The following CDH2 variants were observed in gnomAD, a reference collection of about 807,000 sequenced individuals.
The protein encoded by CDH2 is cadherin 2.
Under a neutral mutation model 92.0 loss-of-function variants are expected in CDH2, and 17 were observed. That is an observed-to-expected ratio of 0.18 (90% CI 0.13 to 0.28). The LOEUF (loss-of-function observed/expected upper bound fraction) is 0.28. CDH2 is among the 10% of genes least tolerant of loss of function. The pLI, the probability that CDH2 is intolerant of heterozygous loss-of-function variation, is 1.00. For synonymous variants in CDH2, 419 were observed against 415.9 expected (o/e 1.01, Z -0.09); for missense variants, 862 against 1,133.1 (o/e 0.76, Z 3.44).
intron 1 of CDH2, among the ~76,000 whole-genome samples, chr18:28,156,323 G>A (rs1333125860): frequency 6.6e-6 from 1 of 152,184 alleles, no homozygotes; most frequent in African/African-American, 2.4e-5. Context: ...TTAGCTAAAA[G>A]GCAGCCCCAC....
At chr18:28,137,158 C>T (rs1212438097) in intron 2 of CDH2, among the ~76,000 whole-genome samples, 1 of 152,164 alleles carries the variant, frequency 6.6e-6, no homozygotes, top group African/African-American at 2.4e-5. Context: ...CTTCCTCACA[C>T]TAATGAAAAC....
intron 13 of CDH2, 24 bp downstream of exon 13, chr18:27,984,976 C>T: frequency 6.4e-7 from 1 of 1,571,050 alleles, no homozygotes; most frequent in Non-Finnish European, 8.8e-7. Flanking sequence ...GAACTGAAAT[C>T]TAAAAGACAA....
chr18:28,042,185 T>G (rs914957718), intron 2 of CDH2, among the ~76,000 whole-genome samples: 1 of 152,204 alleles, frequency 6.6e-6, no homozygotes, highest in Non-Finnish European at 1.5e-5. Flanking sequence ...ATTGTTAGTA[T>G]TATTATATAA....
chr18:28,004,140 C>T (rs1251101091), intron 6 of CDH2, among the ~76,000 whole-genome samples: 1 of 152,062 alleles, frequency 6.6e-6, no homozygotes, highest in Non-Finnish European at 1.5e-5. Context: ...ATCCCTACAC[C>T]CTTATTTTTT....
At chr18:27,956,855 A>AG (rs2011259257) in intron 15 of CDH2, among the ~76,000 whole-genome samples, 1 of 152,210 alleles carries the variant, frequency 6.6e-6, no homozygotes, top group Admixed American at 6.5e-5. Flanking sequence ...GTACACAGAG[A>AG]GGGAAAAAAC....
rs2013477056 is a variant in CDH2, at chr18:28,023,867, A to G, written c.173-9958T>C. ...CCTCACTGCCTGTTCTGATAGCATT[A>G]TGCTAACACGGCTCCTTTTCTATTT... On this transcript the variant is annotated intron_variant, in intron 2 of 15. Transcript: ENST00000269141. Among the ~76,000 whole-genome samples, 3 of 152,182 alleles carry G rather than the reference A, an allele frequency of 2.0e-5. No individual in the cohort carries two copies. In the South Asian group the frequency reaches 6.2e-4, roughly 31 times the overall value.
rs377612781 is a variant in CDH2, at chr18:27,952,227, C to G, written c.2647G>C (p.Asp883His). 1 of 1,613,520 alleles carries G rather than the reference C, an allele frequency of 6.2e-7. No homozygotes were observed. The highest frequency in any genetic ancestry group is 8.5e-7 in the Non-Finnish European group (1 of 1,179,620). ...CCCCAGTCGTTCAGGTAATCATAGT[C>G]CTGCTCACCACCACTACTTGAGGAA... ...LNSSSSGGEQ[D>H]YDYLNDWGPR... is the part of the protein sequence containing the mutation. The change falls in exon 16 of 16, where the codon GAC (aspartate) becomes CAC (histidine). Residue 883 changes from aspartate to histidine, a missense_variant. Physicochemically the swap from Asp to His is moderately conservative, Grantham distance 81. Transcript: ENST00000269141.
At chr18:28,041,172 G>A (rs540096222) in intron 2 of CDH2, among the ~76,000 whole-genome samples, 1 of 152,236 alleles carries the variant, frequency 6.6e-6, no homozygotes, top group African/African-American at 2.4e-5. Context: ...TTCCTTAGGA[G>A]CAGCACTAGA....
chr18:28,176,925 C>T, intron 1 of CDH2, 38 bp downstream of exon 1: 8 of 1,216,760 alleles, frequency 6.6e-6, no homozygotes, highest in Non-Finnish European at 8.2e-6. Context: ...GCCCGCCCCA[C>T]CCCGCCCGTG....
At chr18:28,008,377 G>T (rs566939903) in intron 5 of CDH2, among the ~76,000 whole-genome samples, 1 of 152,174 alleles carries the variant, frequency 6.6e-6, no homozygotes, top group Middle Eastern at 3.4e-3. Flanking sequence ...TTAAAAAATG[G>T]AATGATGAAG....
At position 28,003,046 on chromosome 18, in the gene CDH2, T is replaced by C. The variant is rs2012815542; in HGVS notation, c.971A>G (p.Asn324Ser). 1.1e-5 allele frequency: 18 copies of C among 1,614,126 alleles called. No homozygotes were observed. Among genetic ancestry groups the C allele is most frequent in the Non-Finnish European group, 1.5e-5 (18 of 1,179,984 alleles). Residue 324 changes from asparagine to serine, a missense_variant, in exon 7 of 16, where the codon AAC becomes AGC. Asn to Ser is a conservative substitution (Grantham distance 46). Around this residue, in one of 5 missense-constraint regions of CDH2, gnomAD observed 564 missense variants for 722.2 expected, o/e 0.78. Transcript: ENST00000269141. ...STPSPNMFTINNETGDIITVA... is the reference protein window; with the variant it reads ...STPSPNMFTISNETGDIITVA... The stretch of plus-strand genomic sequence containing the variant: ...TGTGATGATGTCACCAGTCTCATTG[T>C]TGATTGTAAACATGTTGGGTGAAGG...
chr18:27,980,392 A>G (rs140330148), intron 14 of CDH2, among the ~76,000 whole-genome samples: 374 of 152,330 alleles, frequency 2.5e-3, no homozygotes, highest in Non-Finnish European at 4.1e-3. Flanking sequence ...AATCTGTTGT[A>G]GGATGGAGGT....
chr18:27,938,138 C>T (rs770189932), intron 6 of CDH2, among the ~76,000 whole-genome samples: 19 of 152,070 alleles, frequency 1.2e-4, no homozygotes, highest in African/African-American at 3.6e-4. Flanking sequence ...CCTTGTGCTC[C>T]GGTCATGTGA....
intron 2 of CDH2, among the ~76,000 whole-genome samples, chr18:28,138,398 G>A (rs2015899438): frequency 6.6e-6 from 1 of 152,072 alleles, no homozygotes; most frequent in Admixed American, 6.6e-5. Context: ...TCCATTCTGG[G>A]CTGTACTAGA....
intron 3 of CDH2, among the ~76,000 whole-genome samples, chr18:28,012,456 AT>A (rs1442848487): frequency 2.0e-5 from 3 of 152,190 alleles, no homozygotes; most frequent in Non-Finnish European, 2.9e-5. Flanking sequence ...ACCCTATTAT[AT>A]CCCACAGAAT....
chr18:27,964,602 G>GTGAT (rs1277575190), intron 14 of CDH2, among the ~76,000 whole-genome samples: 1 of 152,132 alleles, frequency 6.6e-6, no homozygotes, highest in Non-Finnish European at 1.5e-5. Flanking sequence ...TATCTCTAGA[G>GTGAT]TGATTTTGAT....
At chr18:28,017,444 G>T (rs186507615) in intron 2 of CDH2, among the ~76,000 whole-genome samples, 10 of 152,142 alleles carry the variant, frequency 6.6e-5, no homozygotes, top group Non-Finnish European at 1.5e-4. Flanking sequence ...TACTTCTGTG[G>T]TATTGGTTGT....
intron 1 of CDH2, among the ~76,000 whole-genome samples, chr18:28,167,834 GA>G (rs1363011939): frequency 2.0e-5 from 3 of 152,100 alleles, no homozygotes; most frequent in African/African-American, 7.2e-5. Flanking sequence ...CAGGATATTA[GA>G]ACTCAATCGT....
chr18:28,031,291 C>G (rs1860038325), intron 2 of CDH2, among the ~76,000 whole-genome samples: 1 of 152,078 alleles, frequency 6.6e-6, no homozygotes, highest in East Asian at 1.9e-4. Flanking sequence ...AATCTATTTG[C>G]AAGTTCTAAC....
Sources: allele counts gnomAD v4.1 joint callset (sites outside exome capture counted in the v4.1 genomes callset), GRCh38; gene constraint gnomAD v4.1.1; regional missense constraint gnomAD v4.1.1; transcripts MANE v1.5; gene names NCBI Gene and HGNC (gene_info 2026-07-23, HGNC 2026-07-21).